ARSG: variants seen among roughly 807,000 people sequenced by gnomAD.
The protein encoded by ARSG is ASG.
ARSG carries 37 observed loss-of-function variants against 50.5 expected under a neutral mutation model. That is an observed-to-expected ratio of 0.73 (90% CI 0.56 to 0.96). The LOEUF is 0.96. Among genes scored for constraint, ARSG ranks in the 50% least tolerant of loss-of-function variants. ARSG has a pLI of 0.00. For synonymous variants in ARSG, 225 were observed against 254.6 expected, an observed-to-expected ratio of 0.88 and a Z score of 1.11; for missense variants, 629 against 675.3, an observed-to-expected ratio of 0.93 and a Z score of 0.76.
At chr17:68,436,349 T>A in the ARSG span, 1 of 1,594,952 alleles carries the variant, frequency 6.3e-7, no homozygotes. Context: ...CCAAGGCAGG[T>A]GGGTTGGCTC....
intron 5 of ARSG, among the ~76,000 whole-genome samples, chr17:68,355,231 T>G (rs1599854420): frequency 6.6e-6 from 1 of 152,280 alleles, no homozygotes; most frequent in East Asian, 1.9e-4. Flanking sequence ...ATGCTACGGA[T>G]AAGGAGATAA....
chr17:68,354,035 T>A (rs1351019485), intron 5 of ARSG, among the ~76,000 whole-genome samples: 2 of 120,578 alleles, frequency 1.7e-5, no homozygotes, highest in African/African-American at 5.9e-5. Context: ...TTTTTTTTTT[T>A]TTTTATTTCA....
chr17:68,307,433 A>G lies in ARSG; in HGVS notation c.-61A>G, dbSNP rs1368685755. On this transcript the variant is annotated 5_prime_UTR_variant, in exon 2 of 12. Transcript: ENST00000621439. ...GAAAGTGAGCAGAAAGGAAGCTCTCAGAAAAATCTCTAGTGGTGGCTGCCG... is the reference window on the plus strand; with the variant it reads ...GAAAGTGAGCAGAAAGGAAGCTCTCGGAAAAATCTCTAGTGGTGGCTGCCG... 16 of 1,361,090 alleles carry G rather than the reference A, an allele frequency of 1.2e-5. No individual in the cohort carries two copies. The East Asian group carries it at 3.2e-4, about 27-fold the overall frequency. 84.3% of individuals were successfully genotyped at this position (1,361,090 alleles called of 1,614,324 possible).
intron 9 of ARSG, among the ~76,000 whole-genome samples, chr17:68,389,277 G>C (rs1328476122): frequency 6.6e-6 from 1 of 152,168 alleles, no homozygotes; most frequent in Non-Finnish European, 1.5e-5. Context: ...AGAAGCGCTT[G>C]GTTTGCTGGG....
intron 2 of ARSG, among the ~76,000 whole-genome samples, chr17:68,309,537 T>A (rs2076761157): frequency 6.6e-6 from 1 of 151,972 alleles, no homozygotes; most frequent in Non-Finnish European, 1.5e-5. Context: ...TGCACTCCAG[T>A]GTGGGTCACA....
At chr17:68,333,426 G>A (rs1003381365) in intron 2 of ARSG, among the ~76,000 whole-genome samples, 3 of 152,050 alleles carry the variant, frequency 2.0e-5, no homozygotes, top group African/African-American at 4.8e-5. Context: ...TCAGGAGTTC[G>A]AGACCAGCCT....
At chr17:68,363,477 T>C (rs555312678) in intron 6 of ARSG, among the ~76,000 whole-genome samples, 57 of 152,094 alleles carry the variant, frequency 3.7e-4, no homozygotes, top group African/African-American at 1.3e-3. Flanking sequence ...CTTTCTTCTT[T>C]CTTTTTTGAG....
chr17:68,311,682 A>T (rs1412109722), intron 2 of ARSG, among the ~76,000 whole-genome samples: 1 of 151,718 alleles, frequency 6.6e-6, no homozygotes, highest in African/African-American at 2.4e-5. Flanking sequence ...AACACCAAGG[A>T]CCGCTGGCAA....
upstream of ARSG, among the ~76,000 whole-genome samples, chr17:68,287,438 G>A (rs1415943894): frequency 6.6e-6 from 1 of 151,902 alleles, no homozygotes; most frequent in Non-Finnish European, 1.5e-5. Flanking sequence ...AGTATTAAAC[G>A]TGTGAGCCAC....
rs1408155700 is a variant in ARSG, at chr17:68,378,686, G to C, written c.983-6378G>C. Among the ~76,000 whole-genome samples, 4 of 152,198 alleles carry C rather than the reference G, an allele frequency of 2.6e-5. No individual in the cohort carries two copies. Among genetic ancestry groups the C allele is most frequent in the Non-Finnish European group, 5.9e-5 (4 of 68,018 alleles). ...CCAGATCTGTTTCCTACCCAGGACA[G>C]AACCAACACCTTGTTTTTCCCCTAA... is the stretch of plus-strand genomic sequence containing the variant. On this transcript the variant is annotated intron_variant, in intron 8 of 11. Transcript: ENST00000621439. This position sits in a 1 kb window ranked among gnomAD's most constrained non-coding sequence, Gnocchi z 4.4.
chr17:68,346,848 AGAG>A, intron 3 of ARSG: 3 of 1,392,090 alleles, frequency 2.2e-6, no homozygotes, highest in Non-Finnish European at 2.8e-6. Flanking sequence ...TTTGAGGGGC[AGAG>A]GCTCAGGCTT....
chr17:68,416,125 C>T (rs377415724), intron 11 of ARSG, among the ~76,000 whole-genome samples: 2 of 151,956 alleles, frequency 1.3e-5, no homozygotes, highest in East Asian at 1.9e-4. Context: ...TTTTATAGGT[C>T]CTGTGAGCTT....
the ARSG span, among the ~76,000 whole-genome samples, chr17:68,443,127 T>C: frequency 1.3e-5 from 2 of 152,220 alleles, no homozygotes; most frequent in African/African-American, 4.8e-5. Context: ...TCATTGTTTT[T>C]TGAGACAGAG....
chr17:68,338,259 G>A (rs1010544970), intron 2 of ARSG, among the ~76,000 whole-genome samples: 2 of 152,110 alleles, frequency 1.3e-5, no homozygotes, highest in African/African-American at 4.8e-5. Flanking sequence ...CCTGTCTTTG[G>A]ATGGTTAAGC....
intron 8 of ARSG, 109 bp downstream of exon 8, chr17:68,370,633 C>A: frequency 4.3e-6 from 4 of 939,966 alleles, no homozygotes; most frequent in Non-Finnish European, 1.6e-6. Flanking sequence ...GCCTTAGGGT[C>A]ATCATTGTGA....
At chr17:68,391,862 T>C (rs1380815655) in intron 9 of ARSG, among the ~76,000 whole-genome samples, 1 of 152,178 alleles carries the variant, frequency 6.6e-6, no homozygotes, top group Non-Finnish European at 1.5e-5. Flanking sequence ...ACCAGCTCCA[T>C]GGACTGTGGG....
chr17:68,295,991 A>G (rs1268873675), intron 1 of ARSG, among the ~76,000 whole-genome samples: 5 of 151,876 alleles, frequency 3.3e-5, no homozygotes, highest in Admixed American at 2.6e-4. Context: ...AAAAATATAT[A>G]TTTTTAAAAA....
intron 2 of ARSG, among the ~76,000 whole-genome samples, chr17:68,323,366 C>T (rs1267304451): frequency 6.7e-6 from 1 of 148,668 alleles, no homozygotes; most frequent in Non-Finnish European, 1.5e-5. Context: ...TACCCCAAAG[C>T]CATAGACATA....
intron 11 of ARSG, among the ~76,000 whole-genome samples, chr17:68,418,526 G>T (rs1225160690): frequency 6.7e-6 from 1 of 149,468 alleles, no homozygotes. Context: ...TTGTCTAAAG[G>T]CTTTGAGATC....
Sources: allele counts gnomAD v4.1 joint callset (sites outside exome capture counted in the v4.1 genomes callset), GRCh38; gene constraint gnomAD v4.1.1; non-coding constraint Gnocchi (gnomAD v3.1); transcripts MANE v1.5; gene names NCBI Gene and HGNC (gene_info 2026-07-23, HGNC 2026-07-21).